The following ZNF148 variants were observed in gnomAD, a reference collection of about 807,000 sequenced individuals.
The protein encoded by ZNF148 is zinc finger protein 148.
A neutral mutation model predicts 67.7 loss-of-function variants in ZNF148; 7 were observed. The observed-to-expected ratio is 0.10, with a 90% CI of 0.06 to 0.19. The LOEUF (loss-of-function observed/expected upper bound fraction) is 0.19, where lower values mean the gene tolerates loss of function less well. ZNF148 is among the 10% of genes least tolerant of loss of function. The pLI is 1.00. For missense variants in ZNF148, 583 were observed against 947.1 expected (o/e 0.62, Z 5.05); for synonymous variants, 333 against 330.7 (o/e 1.01, Z -0.08).
chr3:125,252,940 T>C (rs879631289), intron 7 of ZNF148, among the ~76,000 whole-genome samples: 3 of 152,194 alleles, frequency 2.0e-5, no homozygotes, highest in Non-Finnish European at 2.9e-5. Context: ...ATTATAGCTT[T>C]ATAATATATC....
chr3:125,253,290 T>C (rs1049870352), intron 7 of ZNF148, among the ~76,000 whole-genome samples: 3 of 152,232 alleles, frequency 2.0e-5, no homozygotes, highest in African/African-American at 7.2e-5. Flanking sequence ...GTTCTATTCA[T>C]TGGTATACAT....
intron 1 of ZNF148, among the ~76,000 whole-genome samples, chr3:125,338,239 A>G (rs1164372264): frequency 2.0e-5 from 3 of 152,178 alleles, no homozygotes; most frequent in Non-Finnish European, 4.4e-5. Context: ...TAGGAGTCAG[A>G]AAAAAAGTAA....
intron 1 of ZNF148, among the ~76,000 whole-genome samples, chr3:125,351,404 A>AAAAAC: frequency 2.6e-5 from 4 of 151,078 alleles, no homozygotes; most frequent in Non-Finnish European, 4.4e-5. Context: ...AAAAAAAAAA[A>AAAAAC]AGCGCAGTTG....
intron 7 of ZNF148, among the ~76,000 whole-genome samples, chr3:125,269,890 T>C (rs910796075): frequency 6.6e-6 from 1 of 151,174 alleles, no homozygotes; most frequent in African/African-American, 2.5e-5. Context: ...CACTTATAAG[T>C]GGGCGTTAAA....
chr3:125,350,069 G>A (rs1434813420), intron 1 of ZNF148, among the ~76,000 whole-genome samples: 1 of 152,160 alleles, frequency 6.6e-6, no homozygotes, highest in Non-Finnish European at 1.5e-5. Flanking sequence ...TTAAAGTTCA[G>A]AGGTTCCTCA....
chr3:125,350,160 G>GTTTT (rs1942087939), intron 1 of ZNF148, among the ~76,000 whole-genome samples: 5 of 49,380 alleles, frequency 1.0e-4, no homozygotes, highest in Middle Eastern at 0.011. Context: ...AATGGGTTTT[G>GTTTT]GTTTTGTTTT....
intron 1 of ZNF148, among the ~76,000 whole-genome samples, chr3:125,355,215 T>C (rs1255065276): frequency 2.0e-5 from 3 of 152,244 alleles, no homozygotes; most frequent in Non-Finnish European, 4.4e-5. Flanking sequence ...ATAATATACA[T>C]GATATAGAGA....
chr3:125,309,908 C>T (rs1302609606), intron 4 of ZNF148, among the ~76,000 whole-genome samples: 1 of 152,062 alleles, frequency 6.6e-6, no homozygotes, highest in Non-Finnish European at 1.5e-5. Context: ...ACATTCTGGG[C>T]CATAAAATAC....
intron 7 of ZNF148, among the ~76,000 whole-genome samples, chr3:125,234,839 A>G (rs1936011889): frequency 6.6e-6 from 1 of 152,188 alleles, no homozygotes; most frequent in Non-Finnish European, 1.5e-5. Context: ...AAGTTTGTTT[A>G]TATTTATTCT....
At chr3:125,301,646 C>T (rs1939593030) in intron 4 of ZNF148, among the ~76,000 whole-genome samples, 1 of 152,106 alleles carries the variant, frequency 6.6e-6, no homozygotes, top group African/African-American at 2.4e-5. Flanking sequence ...TGCTCAATAT[C>T]AATTTTTAAA....
At position 125,243,190 on chromosome 3, in the gene ZNF148, A is replaced by G. The variant is rs111903381; in HGVS notation, c.668-8861T>C. On this transcript the variant is annotated intron_variant, in intron 7 of 8. Transcript: ENST00000360647. ...CCGTAGTGCTTTGAATGATTTCCTC[A>G]TATGGGATTTTCTACATCTTCTTAA... Among the ~76,000 whole-genome samples, 556 of 152,330 alleles carry G rather than the reference A, an allele frequency of 3.6e-3. 6 individuals carry two copies. The highest frequency in any genetic ancestry group is 0.013 in the African/African-American group (524 of 41,572).
At chr3:125,343,891 A>C (rs1051956154) in intron 1 of ZNF148, among the ~76,000 whole-genome samples, 1 of 152,168 alleles carries the variant, frequency 6.6e-6, no homozygotes, top group Non-Finnish European at 1.5e-5. Context: ...AACTCCGGAC[A>C]CACCAACAAT....
Position 125,230,428 on chromosome 3 carries a change from A to AAG in ZNF148, c.*1912_*1913insCT, listed in dbSNP as rs1200611489. 6.6e-6 allele frequency: 1 copy of AAG among 152,572 alleles called. No individual in the cohort carries two copies. Among genetic ancestry groups the AAG allele is most frequent in the African/African-American group, 2.4e-5 (1 of 41,432 alleles). The allele number at this position is 152,572 out of a possible 1,614,324, so 9.5% of individuals were successfully genotyped here. ...TTCAAAGAAGTCTTAAATTCTTGAA[A>AAG]ACTTTGGCAGCAAAGAAAGCTGTCA... is the stretch of plus-strand genomic sequence containing the variant. On this transcript the variant is annotated 3_prime_UTR_variant, in exon 9 of 9. Coordinates refer to ENST00000360647, the MANE Select transcript of ZNF148 (RefSeq NM_021964.3).
chr3:125,370,595 A>C (rs1218284378), intron 1 of ZNF148, among the ~76,000 whole-genome samples: 1 of 152,260 alleles, frequency 6.6e-6, no homozygotes, highest in Admixed American at 6.5e-5. Flanking sequence ...TACTACTGAA[A>C]GTAAGGAAGA....
chr3:125,293,851 C>T (rs1287545038), intron 4 of ZNF148, among the ~76,000 whole-genome samples: 1 of 152,048 alleles, frequency 6.6e-6, no homozygotes, highest in African/African-American at 2.4e-5. Context: ...CAAGGCCCAC[C>T]AATAGATGCT....
chr3:125,330,465 C>CAAAAAAAAAAAAAAAAAA (rs200643048), intron 2 of ZNF148, among the ~76,000 whole-genome samples: 2 of 118,486 alleles, frequency 1.7e-5, no homozygotes, highest in African/African-American at 8.2e-5. Context: ...AACCCTATCT[C>CAAAAAAAAAAAAAAAAAA]AAAAAAAAAA....
intron 3 of ZNF148, among the ~76,000 whole-genome samples, chr3:125,321,416 A>T (rs867031655): frequency 3.3e-5 from 5 of 151,662 alleles, no homozygotes; most frequent in African/African-American, 4.8e-5. Flanking sequence ...AAAAAACTCT[A>T]TTTTTTCACC....
Position 125,279,205 on chromosome 3 carries a change from G to A in ZNF148, c.502C>T (p.Pro168Ser). The A allele has an allele frequency of 6.2e-7, 1 of 1,601,264 alleles. No homozygotes were observed. The highest frequency in any genetic ancestry group is 8.5e-7 in the Non-Finnish European group (1 of 1,173,840). ...NEDGSLGLKTPKSHVCEHCNA... is the reference protein window; with the variant it reads ...NEDGSLGLKTSKSHVCEHCNA... The stretch of plus-strand genomic sequence containing the variant: ...CAGTGCTCACAAACGTGAGATTTAG[G>A]GGTTTTCAAACCAAGTGATCCATCC... The change falls in exon 6 of 9, where the codon CCT becomes TCT. Residue 168 changes from proline to serine, a missense_variant. By Grantham distance (74) the Pro-to-Ser change is moderately conservative. Transcript: ENST00000360647.
At chr3:125,263,698 T>C (rs1225088696) in intron 7 of ZNF148, among the ~76,000 whole-genome samples, 2 of 152,196 alleles carry the variant, frequency 1.3e-5, no homozygotes, top group African/African-American at 4.8e-5. Context: ...CTGACAGAGC[T>C]CCTAAAATCC....
Sources: gnomAD v4.1 joint callset for allele counts (sites outside exome capture counted in the v4.1 genomes callset) on GRCh38, gnomAD v4.1.1 for gene constraint, MANE v1.5 for transcripts, NCBI Gene and HGNC (gene_info 2026-07-23, HGNC 2026-07-21) for gene names.